The following RAB11FIP3 variants were observed in gnomAD, a reference collection of about 807,000 sequenced individuals.
The protein encoded by RAB11FIP3 is rab11 family-interacting protein 3.
RAB11FIP3 carries 17 observed loss-of-function variants against 77.8 expected under a neutral mutation model. The observed-to-expected ratio is 0.22, with a 90% CI of 0.15 to 0.33. The LOEUF (loss-of-function observed/expected upper bound fraction) is 0.33, where lower values mean the gene tolerates loss of function less well. Ranked by LOEUF, RAB11FIP3 falls within the 10% of genes least tolerant of loss-of-function variation. The probability of loss-of-function intolerance (pLI) is 1.00; values close to 1 mark genes in which losing one functional copy is unlikely to be tolerated. For synonymous variants in RAB11FIP3, 437 were observed against 448.2 expected, an observed-to-expected ratio of 0.98 and a Z score of 0.31; for missense variants, 1,005 against 1,011.2, an observed-to-expected ratio of 0.99 and a Z score of 0.08.
At chr16:515,220 A>G (rs2032344991) in intron 9 of RAB11FIP3, among the ~76,000 whole-genome samples, 2 of 152,236 alleles carry the variant, frequency 1.3e-5, no homozygotes, top group African/African-American at 4.8e-5. Flanking sequence ...ATTCAATAGA[A>G]TTAAAACATA....
intron 6 of RAB11FIP3, among the ~76,000 whole-genome samples, chr16:501,128 A>C (rs1238589075): frequency 6.6e-6 from 1 of 152,250 alleles, no homozygotes; most frequent in Non-Finnish European, 1.5e-5. Context: ...GGAAATGTTC[A>C]AGCCCAGTCC....
rs116892319 is a variant in RAB11FIP3 at position 491,686 on chromosome 16, C to T, written c.1265+2686C>T. On this transcript the variant is annotated intron_variant, in intron 5 of 13. Coordinates refer to ENST00000262305, the MANE Select transcript of RAB11FIP3 (RefSeq NM_014700.4). ...TGGAGTTTTGAATACTCACAGTGAG[C>T]GTGTGAGGGAGCTCACTGTGTCTCA... Among the ~76,000 whole-genome samples, 573 of 152,338 alleles carry T rather than the reference C, an allele frequency of 3.8e-3. 3 individuals are homozygous for T. The highest frequency in any genetic ancestry group is 6.8e-3 in the Middle Eastern group (2 of 294).
chr16:475,000 G>A, intron 3 of RAB11FIP3: 2 of 1,551,730 alleles, frequency 1.3e-6, no homozygotes, highest in Non-Finnish European at 1.7e-6. Flanking sequence ...GGTTGGGACG[G>A]AGACACGATG....
intron 1 of RAB11FIP3, among the ~76,000 whole-genome samples, chr16:455,285 G>C (rs1279699301): frequency 6.6e-6 from 1 of 151,750 alleles, no homozygotes. Context: ...TTCAAGACCA[G>C]CCTGGCCAAC....
At chr16:467,740 A>T (rs377459927) in intron 2 of RAB11FIP3, among the ~76,000 whole-genome samples, 25 of 22,256 alleles carry the variant, frequency 1.1e-3, no homozygotes, top group Admixed American at 2.8e-3. Flanking sequence ...GAGGAGGTGC[A>T]GGGGCCTCAG....
chr16:434,926 C>T (rs2055103516), intron 1 of RAB11FIP3, among the ~76,000 whole-genome samples: 1 of 152,050 alleles, frequency 6.6e-6, no homozygotes, highest in Non-Finnish European at 1.5e-5. Flanking sequence ...AAGAATTAGA[C>T]CAGGCGCGGT....
chr16:514,590 G>A lies in RAB11FIP3; in HGVS notation c.1640+3790G>A, dbSNP rs1002859667. ...CTTTGGACATCCTTGTTTAGGGACCGGGAAAGGAGAATATGTGTCATCAGC... is the reference window on the plus strand; with the variant it reads ...CTTTGGACATCCTTGTTTAGGGACCAGGAAAGGAGAATATGTGTCATCAGC... On this transcript the variant is annotated intron_variant, in intron 9 of 13. Coordinates refer to ENST00000262305, the MANE Select transcript of RAB11FIP3 (RefSeq NM_014700.4). This position sits in a 1 kb window ranked among gnomAD's most constrained non-coding sequence, Gnocchi z 4.6. 3.9e-5 allele frequency among the ~76,000 whole-genome samples: 6 copies of A among 152,204 alleles called. No homozygotes were observed. Among genetic ancestry groups the A allele is most frequent in the East Asian group, 1.9e-4 (1 of 5,192 alleles).
chr16:519,357 T>G (rs1459760164), intron 10 of RAB11FIP3, among the ~76,000 whole-genome samples: 1 of 152,212 alleles, frequency 6.6e-6, no homozygotes, highest in Non-Finnish European at 1.5e-5. Context: ...AGCTTGTCAC[T>G]GCGAGACCTC....
At chr16:480,295 A>AAAAAAC (rs1417169707) in intron 3 of RAB11FIP3, among the ~76,000 whole-genome samples, 5 of 120,172 alleles carry the variant, frequency 4.2e-5, no homozygotes, top group Non-Finnish European at 6.7e-5. Flanking sequence ...CCAAAAAAAA[A>AAAAAAC]AAAAAAAAAA....
Position 426,608 on chromosome 16 carries a change from A to T in RAB11FIP3, c.602A>T (p.Gln201Leu), listed in dbSNP as rs377069891. ...CTTCCGAGCGAGCCCGTGGGGAGTC[A>T]GGAGGACGGCCCCCGCCTCCGAGCC... ...HPLPSEPVGS[Q>L]EDGPRLRAVF... Residue 201 changes from glutamine to leucine, a missense_variant, in exon 1 of 14, where the codon CAG becomes CTG. By Grantham distance (113) the Gln-to-Leu change is moderately radical (BLOSUM62 -2). Transcript: ENST00000262305. The surrounding 1 kb of genome is among the most constrained non-coding windows in gnomAD (Gnocchi z 5.0). The T allele has an allele frequency of 1.9e-6, 3 of 1,596,452 alleles. No individual in the cohort carries two copies. The African/African-American group carries it at 4.1e-5, about 22-fold the overall frequency.
intron 1 of RAB11FIP3, among the ~76,000 whole-genome samples, chr16:427,383 T>TA (rs2054965867): frequency 6.6e-6 from 1 of 152,216 alleles, no homozygotes; most frequent in African/African-American, 2.4e-5. Flanking sequence ...AGAACTCCGT[T>TA]AGGGCCACGT....
intron 5 of RAB11FIP3, among the ~76,000 whole-genome samples, chr16:490,226 C>T (rs759286237): frequency 6.6e-6 from 1 of 152,254 alleles, no homozygotes; most frequent in Non-Finnish European, 1.5e-5. Flanking sequence ...CCAGCGCCCG[C>T]GATGAGGCTG....
intron 3 of RAB11FIP3, chr16:477,572 TC>T (rs935189019): frequency 1.8e-5 from 17 of 971,226 alleles, no homozygotes; most frequent in African/African-American, 3.5e-5. Context: ...CTGCCTGGCG[TC>T]CCGCAGGCCC....
At chr16:430,717 G>A (rs964292599) in intron 1 of RAB11FIP3, among the ~76,000 whole-genome samples, 6 of 151,890 alleles carry the variant, frequency 4.0e-5, no homozygotes, top group South Asian at 2.1e-4. Context: ...ACCATGCTCC[G>A]CTAATTTAAA....
intron 5 of RAB11FIP3, among the ~76,000 whole-genome samples, chr16:493,262 A>AC (rs2030758912): frequency 6.6e-6 from 1 of 151,966 alleles, no homozygotes; most frequent in African/African-American, 2.4e-5. Flanking sequence ...AAAAAAAAAA[A>AC]AAAAAAAAAG....
intron 1 of RAB11FIP3, among the ~76,000 whole-genome samples, chr16:436,745 C>T (rs921200225): frequency 8.5e-5 from 13 of 152,232 alleles, no homozygotes; most frequent in African/African-American, 3.1e-4. Context: ...GCTGGGATTA[C>T]AGATATGAGC....
intron 2 of RAB11FIP3, among the ~76,000 whole-genome samples, chr16:467,397 A>G (rs2055720159): frequency 6.8e-6 from 1 of 146,506 alleles, no homozygotes; most frequent in Non-Finnish European, 1.5e-5. Context: ...AGTGGGCGTC[A>G]GGGAGGAGGT....
At chr16:508,904 G>C (rs2032000102) in intron 8 of RAB11FIP3, among the ~76,000 whole-genome samples, 2 of 150,256 alleles carry the variant, frequency 1.3e-5, no homozygotes, top group Middle Eastern at 3.5e-3. Flanking sequence ...CTCTTGATCA[G>C]ATCTTTTTTT....
intron 4 of RAB11FIP3, among the ~76,000 whole-genome samples, 168 bp from the exon 5 acceptor site, chr16:488,683 A>T (rs550178773): frequency 8.6e-5 from 13 of 150,682 alleles, no homozygotes. Flanking sequence ...TGCTGGGATT[A>T]CATGTGTGAG....
Sources: gnomAD v4.1 joint callset for allele counts (sites outside exome capture counted in the v4.1 genomes callset) on GRCh38, gnomAD v4.1.1 for gene constraint, Gnocchi (gnomAD v3.1) non-coding constraint, MANE v1.5 for transcripts, NCBI Gene and HGNC (gene_info 2026-07-23, HGNC 2026-07-21) for gene names.